Variants in CRADD observed in about 807,000 individuals in gnomAD.
CRADD encodes the protein death domain-containing protein CRADD.
A neutral mutation model predicts 15.5 loss-of-function variants in CRADD; 9 were observed. The observed-to-expected ratio is 0.58, with a 90% CI of 0.35 to 1.01. The LOEUF is 1.01. Ranked by LOEUF, CRADD falls within the 50% of genes least tolerant of loss-of-function variation. The pLI is 0.02. For missense variants in CRADD, 227 were observed against 250.3 expected, an observed-to-expected ratio of 0.91 and a Z score of 0.63; for synonymous variants, 118 against 107.6, an observed-to-expected ratio of 1.10 and a Z score of -0.60.
chr12:93,812,333 T>C (rs1957637363), intron 2 of CRADD, among the ~76,000 whole-genome samples: 3 of 152,126 alleles, frequency 2.0e-5, no homozygotes, highest in African/African-American at 7.2e-5. Flanking sequence ...AGTTAGTAAG[T>C]CTTCTAAAAA....
chr12:93,892,498 C>T (rs929757194), intron 2 of CRADD, among the ~76,000 whole-genome samples: 4 of 151,910 alleles, frequency 2.6e-5, no homozygotes, highest in East Asian at 1.9e-4. Context: ...ACCACAGTGC[C>T]GAGTCTGCCT....
intron 2 of CRADD, among the ~76,000 whole-genome samples, chr12:93,893,469 C>T (rs867966401): frequency 9.9e-5 from 15 of 151,934 alleles, no homozygotes; most frequent in Admixed American, 2.0e-4. Flanking sequence ...CAGGCAGACA[C>T]GGCATACTTA....
At chr12:93,805,879 T>G (rs187092022) in intron 2 of CRADD, among the ~76,000 whole-genome samples, 43 of 152,214 alleles carry the variant, frequency 2.8e-4, no homozygotes, top group African/African-American at 1.0e-3. Context: ...GGCATAGAGC[T>G]CATTTCCTTC....
intron 2 of CRADD, among the ~76,000 whole-genome samples, chr12:93,733,301 A>C (rs912720963): frequency 2.0e-5 from 3 of 152,262 alleles, no homozygotes; most frequent in African/African-American, 7.2e-5. Context: ...TTATATAAAA[A>C]TGTATTCTAA....
chr12:93,848,168 C>A (rs1273206230), intron 2 of CRADD, among the ~76,000 whole-genome samples: 5 of 151,580 alleles, frequency 3.3e-5, no homozygotes, highest in Non-Finnish European at 5.9e-5. Flanking sequence ...TTTTAATGAG[C>A]CTATGTTTTT....
chr12:93,788,661 C>T (rs531536245), intron 2 of CRADD, among the ~76,000 whole-genome samples: 1 of 152,280 alleles, frequency 6.6e-6, no homozygotes, highest in Admixed American at 6.5e-5. Context: ...TAGATATCCT[C>T]CACCTGAGAA....
At chr12:93,830,976 T>C (rs1472280581) in intron 2 of CRADD, 1 of 152,230 alleles carries the variant, frequency 6.6e-6, no homozygotes, top group Non-Finnish European at 1.5e-5. Flanking sequence ...TATGTCTGTC[T>C]TCAGGGTGCC....
chr12:93,796,942 G>A (rs1029212728), intron 2 of CRADD, among the ~76,000 whole-genome samples: 3 of 152,164 alleles, frequency 2.0e-5, no homozygotes, highest in African/African-American at 7.2e-5. Context: ...CACCTCTGCT[G>A]CTTTCACTGG....
At chr12:93,807,345 C>T (rs1041000597) in intron 2 of CRADD, among the ~76,000 whole-genome samples, 3 of 152,068 alleles carry the variant, frequency 2.0e-5, no homozygotes, top group East Asian at 1.9e-4. Flanking sequence ...GAATGCTCCC[C>T]ATGTCAGGTG....
At chr12:93,830,453 A>T (rs971692733) in intron 2 of CRADD, among the ~76,000 whole-genome samples, 1 of 152,182 alleles carries the variant, frequency 6.6e-6, no homozygotes, top group African/African-American at 2.4e-5. Flanking sequence ...AGTCTCTCTC[A>T]CACACACATG....
intron 2 of CRADD, among the ~76,000 whole-genome samples, chr12:93,753,947 G>A (rs1956859648): frequency 6.6e-6 from 1 of 152,222 alleles, no homozygotes; most frequent in South Asian, 2.1e-4. Flanking sequence ...ACTCTGTGAG[G>A]GGCTCCAACC....
chr12:93,889,108 C>T (rs891964826), intron 2 of CRADD, among the ~76,000 whole-genome samples: 2 of 152,162 alleles, frequency 1.3e-5, no homozygotes, highest in Admixed American at 1.3e-4. Context: ...AGGCTGACAT[C>T]ATGTGACAAG....
At chr12:93,860,499 A>C (rs941198763) in intron 2 of CRADD, among the ~76,000 whole-genome samples, 2 of 152,160 alleles carry the variant, frequency 1.3e-5, no homozygotes, top group Non-Finnish European at 2.9e-5. Flanking sequence ...GCCCCTTGCT[A>C]TGGAGAAAGA....
At chr12:93,702,239 C>T (rs1233849627) in intron 2 of CRADD, among the ~76,000 whole-genome samples, 1 of 152,052 alleles carries the variant, frequency 6.6e-6, no homozygotes, top group Non-Finnish European at 1.5e-5. Context: ...GTTTAGAAGA[C>T]AGGTAAAGAG....
intron 2 of CRADD, among the ~76,000 whole-genome samples, chr12:93,734,454 A>G (rs900148145): frequency 1.3e-5 from 2 of 152,226 alleles, no homozygotes; most frequent in African/African-American, 2.4e-5. Context: ...TCTTTTATCT[A>G]TACCACTTTT....
intron 2 of CRADD, among the ~76,000 whole-genome samples, chr12:93,695,983 A>C (rs1368831033): frequency 6.6e-6 from 1 of 152,230 alleles, no homozygotes; most frequent in Non-Finnish European, 1.5e-5. Flanking sequence ...TATATGAAAA[A>C]ATGATCAACA....
At chr12:93,710,205 C>T (rs954618015) in intron 2 of CRADD, among the ~76,000 whole-genome samples, 4 of 152,128 alleles carry the variant, frequency 2.6e-5, no homozygotes, top group Non-Finnish European at 5.9e-5. Context: ...TCTCATGTTT[C>T]CTGTTGGCTG....
intron 2 of CRADD, 124 bp from the exon 3 acceptor site, chr12:93,849,846 C>A: frequency 1.5e-6 from 1 of 682,872 alleles, no homozygotes; most frequent in Non-Finnish European, 2.6e-6. Context: ...AGGAAGAAGA[C>A]AAGAGCCAAT....
intron 2 of CRADD, among the ~76,000 whole-genome samples, chr12:93,718,732 C>T (rs2136882030): frequency 6.6e-6 from 1 of 151,036 alleles, no homozygotes; most frequent in South Asian, 2.1e-4. Context: ...TGCCTGGTTC[C>T]TGGTCTTAGT....
Sources: gnomAD v4.1 joint callset for allele counts (sites outside exome capture counted in the v4.1 genomes callset) on GRCh38, gnomAD v4.1.1 for gene constraint, MANE v1.5 for transcripts, NCBI Gene and HGNC (gene_info 2026-07-23, HGNC 2026-07-21) for gene names.